Variants in RYR3 observed in about 807,000 individuals in gnomAD.
The protein encoded by RYR3 is ryanodine receptor 3.
A neutral mutation model predicts 584.3 loss-of-function variants in RYR3; 207 were observed. The ratio of observed to expected loss-of-function variants is 0.35; its 90% CI spans 0.32 to 0.40. The LOEUF is 0.40. RYR3 is among the 10% of genes least tolerant of loss of function. RYR3 has a pLI of 1.00. For missense variants in RYR3, 5,616 were observed against 6,089.2 expected (o/e 0.92, Z 2.59); for synonymous variants, 2,416 against 2,248.5 (o/e 1.07, Z -2.11).
At chr15:33,773,276 G>C (rs1304341433) in intron 63 of RYR3, among the ~76,000 whole-genome samples, 1 of 152,188 alleles carries the variant, frequency 6.6e-6, no homozygotes, top group Non-Finnish European at 1.5e-5. Flanking sequence ...TCCTTTCCCT[G>C]TGAAGCGATG....
intron 75 of RYR3, among the ~76,000 whole-genome samples, chr15:33,817,960 C>T (rs568239028): frequency 7.9e-5 from 12 of 152,266 alleles, no homozygotes; most frequent in African/African-American, 2.4e-4. Flanking sequence ...CCATGAAAAG[C>T]GATAAAGAAA....
At chr15:33,711,002 G>A (rs2067071186) in intron 43 of RYR3, among the ~76,000 whole-genome samples, 1 of 152,192 alleles carries the variant, frequency 6.6e-6, no homozygotes, top group South Asian at 2.1e-4. Context: ...TTGGATGTTA[G>A]CACTTGGCTC....
At position 33,757,495 on chromosome 15, in the gene RYR3, C is replaced by T; in HGVS notation, c.8604C>T (p.Asp2868=). Residue 2868 remains aspartate (D), a synonymous_variant, in exon 60 of 104, where the codon GAC becomes GAT. Coordinates refer to ENST00000634891, the MANE Select transcript of RYR3 (RefSeq NM_001036.6). ...CCCAGGTTCTCCTCCCGCTGGTTGA[C>T]CAGTACTTCACCAGTCATTGCCTCT... The part of the protein sequence containing the change: ...FFAKVLLPLV[D]QYFTSHCLYF... 1 of 1,608,790 alleles carries T rather than the reference C, an allele frequency of 6.2e-7. No homozygotes were observed. Among genetic ancestry groups the T allele is most frequent in the Non-Finnish European group, 8.5e-7 (1 of 1,177,860 alleles).
intron 27 of RYR3, among the ~76,000 whole-genome samples, chr15:33,642,721 T>C (rs574477430): frequency 6.6e-6 from 1 of 152,284 alleles, no homozygotes; most frequent in East Asian, 1.9e-4. Context: ...GCAGCCCCTA[T>C]CACAAAAATA....
At chr15:33,347,090 C>G (rs1355102916) in intron 1 of RYR3, among the ~76,000 whole-genome samples, 1 of 152,110 alleles carries the variant, frequency 6.6e-6, no homozygotes, top group Non-Finnish European at 1.5e-5. Flanking sequence ...TCCATATTAT[C>G]AATATGTTGA....
chr15:33,771,831 G>A, intron 62 of RYR3, 89 bp from the exon 63 acceptor site: 1 of 848,998 alleles, frequency 1.2e-6, no homozygotes, highest in Non-Finnish European at 1.9e-6. Flanking sequence ...AGTGGCAAAT[G>A]TCTGCCCAGA....
At chr15:33,783,350 C>T (rs971277839) in intron 65 of RYR3, among the ~76,000 whole-genome samples, 42 of 152,182 alleles carry the variant, frequency 2.8e-4, no homozygotes, top group African/African-American at 1.7e-4. Context: ...AACAGTCTTG[C>T]GTCTGATTCT....
intron 3 of RYR3, among the ~76,000 whole-genome samples, chr15:33,528,307 C>T (rs912901418): frequency 3.3e-5 from 5 of 152,116 alleles, no homozygotes; most frequent in Admixed American, 1.3e-4. Context: ...CCTGTTCATC[C>T]ACCCCACCAC....
chr15:33,852,975 G>A, intron 94 of RYR3, 70 bp from the exon 95 acceptor site: 3 of 1,366,744 alleles, frequency 2.2e-6, no homozygotes, highest in Non-Finnish European at 3.1e-6. Flanking sequence ...CACTCAAACT[G>A]AAACGTTTCT....
At chr15:33,618,013 A>T (rs771223906) in intron 19 of RYR3, among the ~76,000 whole-genome samples, 2 of 152,174 alleles carry the variant, frequency 1.3e-5, no homozygotes, top group Non-Finnish European at 2.9e-5. Context: ...AGGTATATGT[A>T]CCTTGTAGCC....
chr15:33,767,293 G>A (rs1323291209), intron 60 of RYR3, among the ~76,000 whole-genome samples: 2 of 150,130 alleles, frequency 1.3e-5, no homozygotes, highest in African/African-American at 2.5e-5. Flanking sequence ...TCAGCTCCAT[G>A]AGTTTGCATC....
At chr15:33,396,655 G>C (rs1295787773) in intron 1 of RYR3, among the ~76,000 whole-genome samples, 2 of 152,166 alleles carry the variant, frequency 1.3e-5, no homozygotes, top group East Asian at 3.9e-4. Context: ...AGTGAAACAG[G>C]CTGGCCTCAG....
chr15:33,384,483 A>ATAT (rs3084375), intron 1 of RYR3, among the ~76,000 whole-genome samples: 106,102 of 144,870 alleles, frequency 0.73, 39,007 homozygotes, highest in Non-Finnish European at 0.75. Context: ...ATTATATTTT[A>ATAT]TATTATAATA....
At chr15:33,488,581 T>C (rs561538578) in intron 2 of RYR3, among the ~76,000 whole-genome samples, 45 of 152,102 alleles carry the variant, frequency 3.0e-4, no homozygotes, top group East Asian at 1.9e-3. Flanking sequence ...TGGCCGGGCA[T>C]GGTGGCTGAT....
intron 2 of RYR3, among the ~76,000 whole-genome samples, chr15:33,500,437 C>T (rs919333293): frequency 1.3e-5 from 2 of 152,146 alleles, no homozygotes; most frequent in African/African-American, 4.8e-5. Context: ...ATTTATGGAG[C>T]ATGGAGGATA....
chr15:33,323,402 C>G, intron 1 of RYR3, among the ~76,000 whole-genome samples: 1 of 152,100 alleles, frequency 6.6e-6, no homozygotes, highest in East Asian at 1.9e-4. Flanking sequence ...GCCACCGCGC[C>G]CGGCCTTAAT....
chr15:33,781,070 T>C (rs1385272426), intron 65 of RYR3, among the ~76,000 whole-genome samples: 1 of 152,196 alleles, frequency 6.6e-6, no homozygotes, highest in African/African-American at 2.4e-5. Flanking sequence ...ATATTTACTA[T>C]CTGGCCCTCT....
intron 42 of RYR3, among the ~76,000 whole-genome samples, chr15:33,704,818 G>A (rs765088687): frequency 2.0e-5 from 3 of 152,196 alleles, no homozygotes; most frequent in Non-Finnish European, 2.9e-5. Flanking sequence ...GCAAGCTGGA[G>A]AGGGAAGAAA....
intron 1 of RYR3, among the ~76,000 whole-genome samples, chr15:33,402,263 A>G (rs1005997433): frequency 1.3e-5 from 2 of 152,244 alleles, no homozygotes; most frequent in African/African-American, 4.8e-5. Context: ...TTCATTTACA[A>G]GAGTGTTCCT....
Sources: allele counts gnomAD v4.1 joint callset (sites outside exome capture counted in the v4.1 genomes callset), GRCh38; gene constraint gnomAD v4.1.1; transcripts MANE v1.5; gene names NCBI Gene and HGNC (gene_info 2026-07-23, HGNC 2026-07-21).